Variants in SNTB2 observed in about 807,000 individuals in gnomAD.
SNTB2 encodes the protein syntrophin beta 2.
SNTB2 carries 34 observed loss-of-function variants against 46.2 expected under a neutral mutation model. The ratio of observed to expected loss-of-function variants is 0.74; its 90% confidence interval spans 0.56 to 0.98. The LOEUF (loss-of-function observed/expected upper bound fraction) is 0.98, where lower values mean the gene tolerates loss of function less well. Ranked by LOEUF, SNTB2 falls within the 50% of genes least tolerant of loss-of-function variation. The probability of loss-of-function intolerance (pLI) is 0.00; values close to 1 mark genes in which losing one functional copy is unlikely to be tolerated. For synonymous variants in SNTB2, 290 were observed against 312.6 expected, an observed-to-expected ratio of 0.93 and a Z score of 0.76; for missense variants, 603 against 731.4, an observed-to-expected ratio of 0.82 and a Z score of 2.02.
chr16:69,279,844 T>TA (rs1965021694), intron 4 of SNTB2, among the ~76,000 whole-genome samples: 1 of 146,244 alleles, frequency 6.8e-6, no homozygotes, highest in Non-Finnish European at 1.5e-5. Flanking sequence ...TGCCCATTTT[T>TA]TTTAATTAAT....
At chr16:69,228,173 G>T (rs749833530) in intron 1 of SNTB2, among the ~76,000 whole-genome samples, 10 of 152,016 alleles carry the variant, frequency 6.6e-5, no homozygotes, top group Admixed American at 2.6e-4. Context: ...TAACATCTCA[G>T]TTACTTGGTA....
chr16:69,207,150 CTTTCT>C (rs1567397086), intron 1 of SNTB2, among the ~76,000 whole-genome samples: 1 of 130,880 alleles, frequency 7.6e-6, no homozygotes, highest in East Asian at 2.1e-4. Flanking sequence ...TCTTTTCTTT[CTTTCT>C]TTTTTTTTTT....
intron 5 of SNTB2, among the ~76,000 whole-genome samples, chr16:69,296,328 A>C (rs142495162): frequency 1.3e-5 from 2 of 152,230 alleles, no homozygotes; most frequent in East Asian, 3.9e-4. Flanking sequence ...ATCTAGACCT[A>C]AATACATTAA....
Position 69,222,354 on chromosome 16 carries a change from A to T in SNTB2, c.581-23248A>T, listed in dbSNP as rs185982621. 3.2e-4 allele frequency among the ~76,000 whole-genome samples: 49 copies of T among 152,180 alleles called. 1 individual carries two copies. Among genetic ancestry groups the T allele is most frequent in the African/African-American group, 1.2e-3 (49 of 41,444 alleles). ...ATGCCTGGAATTCCATCACTTAGGG[A>T]GGCCAAGGTGGGTAGATCATCTGAG... On this transcript the variant is annotated intron_variant, in intron 1 of 6. Transcript: ENST00000336278.
intron 1 of SNTB2, chr16:69,240,577 T>C (rs1286865641): frequency 6.6e-6 from 1 of 152,192 alleles, no homozygotes; most frequent in African/African-American, 2.4e-5. Flanking sequence ...CAGCCAGATA[T>C]TCCACTCTGA....
At chr16:69,254,123 G>A (rs570864186) in intron 2 of SNTB2, among the ~76,000 whole-genome samples, 2 of 152,162 alleles carry the variant, frequency 1.3e-5, no homozygotes, top group South Asian at 4.2e-4. Context: ...CCTGATATAC[G>A]ATCTGAAATA....
chr16:69,279,515 C>CCTTTTTTTTT (rs1965016654), intron 4 of SNTB2, among the ~76,000 whole-genome samples: 4 of 71,734 alleles, frequency 5.6e-5, no homozygotes, highest in Non-Finnish European at 1.0e-4. Context: ...GTCCTTTGCC[C>CCTTTTTTTTT]TTTTTTTTTT....
intron 3 of SNTB2, among the ~76,000 whole-genome samples, chr16:69,266,388 AC>A (rs1437239504): frequency 3.3e-5 from 5 of 151,182 alleles, no homozygotes; most frequent in African/African-American, 1.2e-4. Flanking sequence ...ACAAAACAAA[AC>A]AAAAAAAAGT....
chr16:69,248,869 CTTT>C (rs557681788), intron 2 of SNTB2, among the ~76,000 whole-genome samples: 4 of 118,824 alleles, frequency 3.4e-5, no homozygotes, highest in Non-Finnish European at 5.4e-5. Context: ...TAATCATGGG[CTTT>C]TTTTTTTTTT....
rs540716877 is a variant in SNTB2 at position 69,245,783 on chromosome 16, T to C, written c.762T>C (p.Ala254=). Residue 254 remains alanine (A), a synonymous_variant, in exon 2 of 7, where the codon GCT becomes GCC. Coordinates refer to ENST00000336278, the MANE Select transcript of SNTB2 (RefSeq NM_006750.4). ...KIIPLKMCFA[A]RNLSMPDLEN... is the part of the protein sequence containing the mutation. ...TCCCTCTCAAAATGTGCTTTGCTGC[T>C]AGAAACCTAAGCATGCCGGATCTGG... 30 of 1,614,092 alleles carry C rather than the reference T, an allele frequency of 1.9e-5. No homozygotes were observed. The African/African-American group carries it at 3.7e-4, about 20-fold the overall frequency.
In SNTB2 at chr16:69,187,414, T is replaced by C; in HGVS notation, c.248T>C (p.Leu83Pro). The C allele has an allele frequency of 1.6e-6, 2 of 1,234,186 alleles. No individual in the cohort carries two copies. Among genetic ancestry groups the C allele is most frequent in the East Asian group, 6.7e-5 (2 of 29,986 alleles). 76.5% of individuals were successfully genotyped at this position (1,234,186 alleles called of 1,614,324 possible). A position where few individuals can be genotyped will look rare whatever the true frequency, so the allele number is the denominator to read the frequency against. The change falls in exon 1 of 7, where the codon CTG becomes CCG. Residue 83 changes from leucine to proline, a missense_variant. Physicochemically the swap from Leu to Pro is moderately conservative, Grantham distance 98. Coordinates refer to ENST00000336278, the MANE Select transcript of SNTB2 (RefSeq NM_006750.4). ...AACGGCGGCGGCGCGGGCGACTCGCTGCCCGGGAGCCCAAGCCGCGGCCTG... is the reference window on the plus strand; with the variant it reads ...AACGGCGGCGGCGCGGGCGACTCGCCGCCCGGGAGCCCAAGCCGCGGCCTG... ...LPNGGGAGDS[L>P]PGSPSRGLGP...
intron 5 of SNTB2, among the ~76,000 whole-genome samples, chr16:69,284,459 TAAAAAAAAAAAAAAAAA>T (rs3087058): frequency 2.2e-4 from 10 of 45,866 alleles, no homozygotes; most frequent in Admixed American, 1.1e-3. Flanking sequence ...CCGTCTTTAC[TAAAAAAAAAAAAAAAAA>T]AAAAAAAAAA....
Position 69,301,222 on chromosome 16 carries a change from G to T in SNTB2, c.*298G>T. ...CTACTGCTAAAAAGAATGGCTCATT[G>T]TTTTCTTTTTTTTTCATTGTTTTCA... On this transcript the variant is annotated 3_prime_UTR_variant, in exon 7 of 7. Coordinates refer to ENST00000336278, the MANE Select transcript of SNTB2 (RefSeq NM_006750.4). 4.2e-6 allele frequency: 1 copy of T among 235,840 alleles called. No homozygotes were observed. Among genetic ancestry groups the T allele is most frequent in the East Asian group, 8.4e-5 (1 of 11,894 alleles). 14.6% of individuals were successfully genotyped at this position (235,840 alleles called of 1,614,324 possible).
At chr16:69,246,903 T>A (rs1200534190) in intron 2 of SNTB2, among the ~76,000 whole-genome samples, 1 of 52,392 alleles carries the variant, frequency 1.9e-5, no homozygotes, top group Non-Finnish European at 3.4e-5. Flanking sequence ...TGTGGTGGGG[T>A]GGGGGGAGGG....
At chr16:69,288,684 TTGAG>T (rs1345856489) in intron 5 of SNTB2, among the ~76,000 whole-genome samples, 2 of 152,136 alleles carry the variant, frequency 1.3e-5, no homozygotes, top group Non-Finnish European at 2.9e-5. Context: ...AATCCTACTA[TTGAG>T]TATTTATCCA....
intron 4 of SNTB2, among the ~76,000 whole-genome samples, chr16:69,279,384 C>T (rs1003896673): frequency 2.0e-5 from 3 of 152,144 alleles, no homozygotes; most frequent in Middle Eastern, 6.8e-3. Flanking sequence ...TTTCTTTTGT[C>T]AGTGGACATT....
At chr16:69,199,595 C>CAAA (rs60011703) in intron 1 of SNTB2, among the ~76,000 whole-genome samples, 2,306 of 76,826 alleles carry the variant, frequency 0.03, 108 homozygotes, top group Non-Finnish European at 0.04. Context: ...AACACTGCCT[C>CAAA]AAAAAAAAAA....
At chr16:69,259,974 A>G in intron 2 of SNTB2, 76 bp from the exon 3 acceptor site, 1 of 990,178 alleles carries the variant, frequency 1.0e-6, no homozygotes, top group Non-Finnish European at 1.6e-6. Context: ...ATAGATTTGC[A>G]GTTATGTATT....
chr16:69,228,917 G>A (rs751867031), intron 1 of SNTB2, among the ~76,000 whole-genome samples: 16 of 152,258 alleles, frequency 1.1e-4, no homozygotes, highest in Middle Eastern at 3.4e-3. Context: ...ATCAAGACTT[G>A]AGCTGAGGTT....
Sources: allele counts gnomAD v4.1 joint callset (sites outside exome capture counted in the v4.1 genomes callset), GRCh38; gene constraint gnomAD v4.1.1; transcripts MANE v1.5; gene names NCBI Gene and HGNC (gene_info 2026-07-23, HGNC 2026-07-21).